ZNF385D: variants seen among roughly 807,000 people sequenced by gnomAD.
The protein encoded by ZNF385D is zinc finger protein 659.
In ZNF385D, 15 loss-of-function variants were observed where a neutral mutation model predicts 35.8. That is an observed-to-expected ratio of 0.42 (90% CI 0.28 to 0.64). The LOEUF is 0.64. Ranked by LOEUF, ZNF385D falls within the 30% of genes least tolerant of loss-of-function variation. ZNF385D has a pLI of 0.23. For synonymous variants in ZNF385D, 212 were observed against 186.8 expected (o/e 1.13, Z -1.10); for missense variants, 474 against 494.6 (o/e 0.96, Z 0.39).
intron 2 of ZNF385D, among the ~76,000 whole-genome samples, chr3:22,333,331 A>G (rs1459207738): frequency 1.3e-5 from 2 of 152,136 alleles, no homozygotes; most frequent in Non-Finnish European, 2.9e-5. Flanking sequence ...ACCAAATTTA[A>G]GGAGTTTTCC....
At chr3:21,959,386 G>A (rs895831658) in intron 3 of ZNF385D, among the ~76,000 whole-genome samples, 3 of 151,986 alleles carry the variant, frequency 2.0e-5, no homozygotes, top group Non-Finnish European at 4.4e-5. Flanking sequence ...CAGCCAAAAC[G>A]GTAAGAGAAA....
intron 4 of ZNF385D, among the ~76,000 whole-genome samples, chr3:21,462,985 AAAACAAAC>A (rs913663286): frequency 6.6e-6 from 1 of 152,182 alleles, no homozygotes; most frequent in South Asian, 2.1e-4. Flanking sequence ...CTCTATCTCA[AAAACAAAC>A]AAACAAACAA....
chr3:21,990,192 T>C (rs1005087448), intron 3 of ZNF385D, among the ~76,000 whole-genome samples: 3 of 152,248 alleles, frequency 2.0e-5, no homozygotes, highest in Non-Finnish European at 4.4e-5. Context: ...GAAGAATCTC[T>C]AAGCTAAAAT....
chr3:21,804,701 T>C (rs2072557829), intron 3 of ZNF385D, among the ~76,000 whole-genome samples: 1 of 152,210 alleles, frequency 6.6e-6, no homozygotes. Context: ...TTACCTAATT[T>C]AAACAGTTTT....
At chr3:21,878,313 G>A (rs917418615) in intron 3 of ZNF385D, among the ~76,000 whole-genome samples, 4 of 151,950 alleles carry the variant, frequency 2.6e-5, no homozygotes, top group Non-Finnish European at 4.4e-5. Flanking sequence ...ATTACTATGA[G>A]ATATTGTCTC....
intron 2 of ZNF385D, among the ~76,000 whole-genome samples, chr3:22,316,390 G>A (rs1703886795): frequency 6.6e-6 from 1 of 152,128 alleles, no homozygotes; most frequent in African/African-American, 2.4e-5. Context: ...TAATAATAAA[G>A]TAGGTCTTTC....
intron 1 of ZNF385D, among the ~76,000 whole-genome samples, chr3:21,707,424 G>A (rs1281830940): frequency 6.6e-6 from 1 of 152,096 alleles, no homozygotes; most frequent in Admixed American, 6.5e-5. Flanking sequence ...ATTACCAGGA[G>A]GCTTAAAATT....
At chr3:21,728,277 A>C (rs2068849546) in intron 1 of ZNF385D, among the ~76,000 whole-genome samples, 1 of 101,240 alleles carries the variant, frequency 9.9e-6, no homozygotes, top group Non-Finnish European at 2.1e-5. Flanking sequence ...CAGAACTTAA[A>C]GTATAATAAT....
intron 1 of ZNF385D, among the ~76,000 whole-genome samples, chr3:21,677,710 A>G (rs1462886882): frequency 6.6e-6 from 1 of 152,006 alleles, no homozygotes; most frequent in Non-Finnish European, 1.5e-5. Context: ...AATAATAATA[A>G]CCAGTAAAAT....
chr3:22,361,504 G>T (rs1344609910), intron 2 of ZNF385D, among the ~76,000 whole-genome samples: 1 of 152,008 alleles, frequency 6.6e-6, no homozygotes, highest in East Asian at 1.9e-4. Context: ...ATCTGACTGT[G>T]GTTATGAAGC....
intron 3 of ZNF385D, among the ~76,000 whole-genome samples, chr3:21,788,274 T>C (rs2071785079): frequency 6.6e-6 from 1 of 152,028 alleles, no homozygotes; most frequent in African/African-American, 2.4e-5. Flanking sequence ...AGGTCAGGAG[T>C]TGGAGACCAG....
At chr3:22,208,561 G>A (rs1044208267) in intron 2 of ZNF385D, among the ~76,000 whole-genome samples, 1 of 151,454 alleles carries the variant, frequency 6.6e-6, no homozygotes, top group Non-Finnish European at 1.5e-5. Flanking sequence ...ATAAATAAAA[G>A]TATATAATTA....
In ZNF385D at chr3:21,659,641, G is replaced by A. The variant is rs557067797; in HGVS notation, c.165+5245C>T. On this transcript the variant is annotated intron_variant, in intron 2 of 7. Coordinates refer to ENST00000281523, the MANE Select transcript of ZNF385D (RefSeq NM_024697.3). ...TAGAAAATTCAAATTTCCCCCGTCT[G>A]TCCTCTTCCCAACACCCCACCACAC... 1.3e-4 allele frequency among the ~76,000 whole-genome samples: 20 copies of A among 152,156 alleles called. No individual in the cohort carries two copies. The South Asian group carries it at 3.3e-3, about 25-fold the overall frequency.
intron 3 of ZNF385D, among the ~76,000 whole-genome samples, chr3:22,111,514 C>T (rs138794603): frequency 3.2e-4 from 49 of 152,122 alleles, no homozygotes; most frequent in African/African-American, 1.1e-3. Flanking sequence ...CAGAAAAAGC[C>T]ACATGGAAGT....
intron 2 of ZNF385D, among the ~76,000 whole-genome samples, chr3:22,305,170 G>C (rs1703136115): frequency 6.6e-6 from 1 of 151,826 alleles, no homozygotes. Context: ...TCGCTTATTA[G>C]ATTTTATTGA....
chr3:21,455,652 A>G (rs1265565330), intron 4 of ZNF385D, among the ~76,000 whole-genome samples: 8 of 152,310 alleles, frequency 5.3e-5, no homozygotes, highest in African/African-American at 1.7e-4. Flanking sequence ...AACCTAGGCA[A>G]TACCATTCAG....
chr3:21,823,895 A>G (rs529071153), intron 3 of ZNF385D, among the ~76,000 whole-genome samples: 1 of 152,354 alleles, frequency 6.6e-6, no homozygotes, highest in African/African-American at 2.4e-5. Context: ...ATGTATGCTA[A>G]TGAATTGCAC....
intron 5 of ZNF385D, among the ~76,000 whole-genome samples, chr3:21,429,682 G>C (rs1701201799): frequency 6.6e-6 from 1 of 151,960 alleles, no homozygotes; most frequent in South Asian, 2.1e-4. Context: ...TACTTTATAG[G>C]GAAATCTAGT....
At chr3:21,952,301 G>A (rs1467260474) in intron 3 of ZNF385D, among the ~76,000 whole-genome samples, 1 of 151,714 alleles carries the variant, frequency 6.6e-6, no homozygotes, top group African/African-American at 2.4e-5. Flanking sequence ...AGTGGTCTTT[G>A]TTTTACTCTC....
Sources: gnomAD v4.1 joint callset for allele counts (sites outside exome capture counted in the v4.1 genomes callset) on GRCh38, gnomAD v4.1.1 for gene constraint, MANE v1.5 for transcripts, NCBI Gene and HGNC (gene_info 2026-07-23, HGNC 2026-07-21) for gene names.